GIGYF2: variants seen among roughly 807,000 people sequenced by gnomAD.
GIGYF2 encodes GRB10-interacting GYF protein 2.
Under a neutral mutation model 208.1 loss-of-function variants are expected in GIGYF2, and 25 were observed. That is an observed-to-expected ratio of 0.12 (90% confidence interval 0.09 to 0.17). The LOEUF (loss-of-function observed/expected upper bound fraction) is 0.17, where lower values mean the gene tolerates loss of function less well. Ranked by LOEUF, GIGYF2 falls within the 10% of genes least tolerant of loss-of-function variation. The probability of loss-of-function intolerance (pLI) is 1.00; values close to 1 mark genes in which losing one functional copy is unlikely to be tolerated. For missense variants in GIGYF2, 1,302 were observed against 1,579.4 expected, an observed-to-expected ratio of 0.82 and a Z score of 2.98; for synonymous variants, 534 against 543.8, an observed-to-expected ratio of 0.98 and a Z score of 0.25.
At chr2:232,756,682 C>T (rs1477376184) in intron 6 of GIGYF2, among the ~76,000 whole-genome samples, 1 of 152,072 alleles carries the variant, frequency 6.6e-6, no homozygotes, top group Non-Finnish European at 1.5e-5. Context: ...CACTGAAGTA[C>T]CTGCAGTCCT....
intron 21 of GIGYF2, among the ~76,000 whole-genome samples, chr2:232,830,485 G>GA (rs1283375670): frequency 6.6e-6 from 1 of 151,982 alleles, no homozygotes; most frequent in Non-Finnish European, 1.5e-5. Flanking sequence ...GATTTTCAGA[G>GA]AAACTGGGAA....
At chr2:232,809,060 T>C (rs1332452939) in intron 15 of GIGYF2, among the ~76,000 whole-genome samples, 7 of 152,308 alleles carry the variant, frequency 4.6e-5, no homozygotes, top group Non-Finnish European at 1.5e-5. Context: ...TTCTCCTGTC[T>C]CAGCCTCCTG....
intron 1 of GIGYF2, among the ~76,000 whole-genome samples, chr2:232,702,821 GTC>G: frequency 6.6e-6 from 1 of 152,246 alleles, no homozygotes; most frequent in East Asian, 1.9e-4. Flanking sequence ...TTGAGATAAG[GTC>G]TCACTCTGTC....
In GIGYF2 at chr2:232,790,767, A is replaced by G. The variant is rs754469176; in HGVS notation, c.782A>G (p.Asp261Gly). The change falls in exon 10 of 29, where the codon GAT (aspartate) becomes GGT (glycine). Residue 261 changes from aspartate (D) to glycine (G), a missense_variant. By Grantham distance (94) the Asp-to-Gly change is moderately conservative. Coordinates refer to ENST00000373563, the MANE Select transcript of GIGYF2 (RefSeq NM_001103146.3). ...RRRRFEFDFR[D>G]RDDERGYRRV... ...CGGAGGTTTGAGTTTGATTTTCGAG[A>G]TAGAGATGATGAACGGGGTTACCGA... is the stretch of plus-strand genomic sequence containing the variant. 6.2e-7 allele frequency: 1 copy of G among 1,614,108 alleles called. No individual in the cohort carries two copies. Among genetic ancestry groups the G allele is most frequent in the South Asian group, 1.1e-5 (1 of 91,084 alleles).
rs1027692312 is a variant in GIGYF2 at position 232,859,049 on chromosome 2, C to T, written c.*2189C>T. 4 of 152,664 alleles carry T rather than the reference C, an allele frequency of 2.6e-5. No individual in the cohort carries two copies. The highest frequency in any genetic ancestry group is 6.5e-5 in the Admixed American group (1 of 15,322). 9.5% of individuals were successfully genotyped at this position (152,664 alleles called of 1,614,324 possible). A position where few individuals can be genotyped will look rare whatever the true frequency, so the allele number is the denominator to read the frequency against. ...AAAGTCATTTTGGTCATGGAACATC[C>T]ATTTGCTTAACCAAGGAGACTTGCT... On this transcript the variant is annotated 3_prime_UTR_variant, in exon 29 of 29. Coordinates refer to ENST00000373563, the MANE Select transcript of GIGYF2 (RefSeq NM_001103146.3).
At chr2:232,817,174 ATC>A (rs1700941378) in intron 20 of GIGYF2, 142 bp downstream of exon 20, 3 of 753,546 alleles carry the variant, frequency 4.0e-6, no homozygotes, top group South Asian at 1.5e-5. Context: ...TTTGGAAAGA[ATC>A]TCTGTTTTTC....
intron 21 of GIGYF2, among the ~76,000 whole-genome samples, chr2:232,832,337 A>G (rs1283222122): frequency 1.3e-5 from 2 of 152,222 alleles, no homozygotes; most frequent in African/African-American, 4.8e-5. Context: ...GGTGAGGGCA[A>G]ATGCAGTAGA....
intron 17 of GIGYF2, among the ~76,000 whole-genome samples, chr2:232,811,815 T>C (rs535409231): frequency 6.6e-6 from 1 of 152,346 alleles, no homozygotes; most frequent in East Asian, 1.9e-4. Flanking sequence ...CAGAGTAATA[T>C]TTCTCCTGAA....
intron 20 of GIGYF2, 80 bp from the exon 21 acceptor site, chr2:232,819,747 C>A: frequency 3.6e-6 from 3 of 827,840 alleles, no homozygotes; most frequent in Non-Finnish European, 6.3e-6. Flanking sequence ...TAGCCTATTA[C>A]TTTCCAAATA....
intron 27 of GIGYF2, among the ~76,000 whole-genome samples, chr2:232,849,609 T>G (rs1690230288): frequency 6.6e-6 from 1 of 152,160 alleles, no homozygotes; most frequent in African/African-American, 2.4e-5. Flanking sequence ...ACACACATGC[T>G]CACACCAGGC....
intron 16 of GIGYF2, chr2:232,810,503 T>A (rs151021705): frequency 4.4e-4 from 67 of 153,478 alleles, no homozygotes; most frequent in Non-Finnish European, 8.0e-4. Flanking sequence ...TTTTGTTATG[T>A]CCTTTTTGTA....
At chr2:232,750,747 GTGTGTGTGTGTGTATGTT>G (rs1698308130) in intron 5 of GIGYF2, among the ~76,000 whole-genome samples, 1 of 151,580 alleles carries the variant, frequency 6.6e-6, no homozygotes, top group South Asian at 2.1e-4. Flanking sequence ...GTGTGTGTGT[GTGTGTGTGTGTGTATGTT>G]TGTGTGTGTG....
chr2:232,829,962 CGTTT>C (rs1553618915), intron 21 of GIGYF2, among the ~76,000 whole-genome samples: 40 of 152,020 alleles, frequency 2.6e-4, no homozygotes, highest in African/African-American at 8.4e-4. Flanking sequence ...TTCATTCATT[CGTTT>C]GTTTGTTTGT....
intron 2 of GIGYF2, among the ~76,000 whole-genome samples, chr2:232,729,231 C>G (rs1048075400): frequency 6.6e-6 from 1 of 152,178 alleles, no homozygotes; most frequent in Non-Finnish European, 1.5e-5. Context: ...CTGCATGCCT[C>G]AGCTTCCCAA....
chr2:232,764,009 CTT>C (rs913816324), intron 8 of GIGYF2, among the ~76,000 whole-genome samples: 2 of 152,158 alleles, frequency 1.3e-5, no homozygotes, highest in Admixed American at 6.5e-5. Flanking sequence ...TAAATTCTCA[CTT>C]ATGTGCTAGG....
In GIGYF2 at chr2:232,791,455, T is replaced by A; in HGVS notation, c.1282+9T>A. On this transcript the variant is annotated intron_variant, in intron 12 of 28. Transcript: ENST00000373563. ...GCCCAGCAGAGGGGATGGTATGTAT[T>A]TGTGGGAATAGACAAGCTAAAATAG... 6.2e-7 allele frequency: 1 copy of A among 1,610,908 alleles called. No individual in the cohort carries two copies. Among genetic ancestry groups the A allele is most frequent in the Non-Finnish European group, 8.5e-7 (1 of 1,177,920 alleles).
intron 2 of GIGYF2, 148 bp downstream of exon 2, chr2:232,703,637 T>A (rs1695953933): frequency 6.6e-6 from 1 of 152,610 alleles, no homozygotes; most frequent in African/African-American, 2.4e-5. Context: ...TCAGATCCTT[T>A]ATGAACAGTA....
intron 2 of GIGYF2, among the ~76,000 whole-genome samples, chr2:232,704,169 A>G (rs1695979202): frequency 6.6e-6 from 1 of 152,080 alleles, no homozygotes; most frequent in Admixed American, 6.5e-5. Flanking sequence ...TCCCACTCCT[A>G]ATGGTGGGGG....
At position 232,858,078 on chromosome 2, in the gene GIGYF2, C is replaced by T. The variant is rs767477775; in HGVS notation, c.*1218C>T. 1 of 178,374 alleles carries T rather than the reference C, an allele frequency of 5.6e-6. No homozygotes were observed. Among genetic ancestry groups the T allele is most frequent in the African/African-American group, 2.4e-5 (1 of 41,624 alleles). 11.0% of individuals were successfully genotyped at this position (178,374 alleles called of 1,614,324 possible). ...CATGGCCTCCTAAAACCTTAAACTT[C>T]AAGTAGAAATGTACTCAAGCCCTAT... On this transcript the variant is annotated 3_prime_UTR_variant, in exon 29 of 29. Transcript: ENST00000373563.
Sources: allele counts gnomAD v4.1 joint callset (sites outside exome capture counted in the v4.1 genomes callset), GRCh38; gene constraint gnomAD v4.1.1; transcripts MANE v1.5; gene names NCBI Gene and HGNC (gene_info 2026-07-23, HGNC 2026-07-21).